The following RAD54B variants were observed in gnomAD, a reference collection of about 807,000 sequenced individuals.
RAD54B encodes RAD54 homolog B.
Under a neutral mutation model 95.8 loss-of-function variants are expected in RAD54B, and 78 were observed. The ratio of observed to expected loss-of-function variants is 0.81; its 90% CI spans 0.68 to 0.98. RAD54B has a LOEUF of 0.98. Ranked by LOEUF, RAD54B falls within the 50% of genes least tolerant of loss-of-function variation. The pLI, the probability that RAD54B is intolerant of heterozygous loss-of-function variation, is 0.00. For synonymous variants in RAD54B, 328 were observed against 354.9 expected (o/e 0.92, Z 0.85); for missense variants, 957 against 1,056.6 (o/e 0.91, Z 1.31).
chr8:94,455,075 A>G (rs1233236565), intron 3 of RAD54B, among the ~76,000 whole-genome samples: 3 of 152,132 alleles, frequency 2.0e-5, no homozygotes, highest in Non-Finnish European at 4.4e-5. Context: ...TACTTCCTTC[A>G]CTACCGAATT....
chr8:94,420,953 C>T (rs1337717906), intron 3 of RAD54B, among the ~76,000 whole-genome samples: 2 of 151,406 alleles, frequency 1.3e-5, no homozygotes, highest in African/African-American at 4.9e-5. Context: ...CCGCTGCACT[C>T]CAGCCTGGGC....
chr8:94,411,602 T>G (rs1329669489), intron 3 of RAD54B, among the ~76,000 whole-genome samples: 1 of 151,930 alleles, frequency 6.6e-6, no homozygotes, highest in African/African-American at 2.4e-5. Context: ...ATTTTAAAAC[T>G]CTAAAAATTA....
intron 14 of RAD54B, among the ~76,000 whole-genome samples, chr8:94,374,577 A>T (rs1463937129): frequency 6.6e-6 from 1 of 152,196 alleles, no homozygotes; most frequent in African/African-American, 2.4e-5. Flanking sequence ...TTTAAGGTAA[A>T]CAGATGGGAA....
At chr8:94,459,960 C>T (rs996645339) in intron 2 of RAD54B, among the ~76,000 whole-genome samples, 1 of 148,082 alleles carries the variant, frequency 6.8e-6, no homozygotes, top group Admixed American at 6.8e-5. Context: ...AGATCGAGAC[C>T]AACCTGGCTA....
intron 3 of RAD54B, among the ~76,000 whole-genome samples, chr8:94,418,045 C>T (rs1273895243): frequency 6.6e-6 from 1 of 152,198 alleles, no homozygotes; most frequent in Admixed American, 6.5e-5. Context: ...TTCTGACCTT[C>T]CTTCCCTAAT....
intron 3 of RAD54B, chr8:94,430,329 T>C (rs1457143144): frequency 2.1e-6 from 2 of 967,216 alleles, no homozygotes; most frequent in Non-Finnish European, 2.5e-6. Context: ...AAAAAAAAAG[T>C]ATTTAATGTA....
intron 3 of RAD54B, among the ~76,000 whole-genome samples, chr8:94,415,396 T>C (rs200489287): frequency 4.0e-5 from 6 of 150,674 alleles, no homozygotes; most frequent in Admixed American, 2.0e-4. Flanking sequence ...AAACGTTAGA[T>C]CTAAAACCAT....
chr8:94,399,874 T>A (rs1420366006), intron 7 of RAD54B, among the ~76,000 whole-genome samples: 3 of 152,174 alleles, frequency 2.0e-5, no homozygotes, highest in Non-Finnish European at 4.4e-5. Flanking sequence ...GAGAGCCCTC[T>A]TCCTGGCTTG....
chr8:94,463,893 C>CAAAAAAAAAAAAAAAAA (rs553168595), intron 2 of RAD54B, among the ~76,000 whole-genome samples: 7 of 90,946 alleles, frequency 7.7e-5, no homozygotes, highest in Admixed American at 1.2e-4. Flanking sequence ...GACCCTATCT[C>CAAAAAAAAAAAAAAAAA]AAAAAAAAAA....
In RAD54B at chr8:94,387,078, A is replaced by G; in HGVS notation, c.1891T>C (p.Tyr631His). 6.2e-7 allele frequency: 1 copy of G among 1,613,574 alleles called. No homozygotes were observed. The highest frequency in any genetic ancestry group is 8.5e-7 in the Non-Finnish European group (1 of 1,179,592). Residue 631 changes from tyrosine to histidine, a missense_variant, in exon 11 of 15, where the codon TAC becomes CAC. Tyr to His is a moderately conservative substitution (Grantham distance 83). Transcript: ENST00000336148. ...TTTTCAGTAAACAGGAGAGGGTTGTAGTCAGCAGGAAACACACTTAGCAAG... is the reference window on the plus strand; with the variant it reads ...TTTTCAGTAAACAGGAGAGGGTTGTGGTCAGCAGGAAACACACTTAGCAAG... ...KGLLSVFPAD[Y>H]NPLLFTEKES...
At chr8:94,436,007 T>C (rs945360254) in intron 3 of RAD54B, among the ~76,000 whole-genome samples, 31 of 152,152 alleles carry the variant, frequency 2.0e-4, no homozygotes, top group Admixed American at 5.9e-4. Flanking sequence ...ATTGATTTTG[T>C]TTATATTTGT....
chr8:94,435,597 T>C (rs1812233652), intron 3 of RAD54B, among the ~76,000 whole-genome samples: 2 of 152,258 alleles, frequency 1.3e-5, no homozygotes, highest in Non-Finnish European at 1.5e-5. Context: ...CTGCCATTTT[T>C]ATATTTTGCC....
intron 3 of RAD54B, among the ~76,000 whole-genome samples, chr8:94,414,174 T>A (rs1346439034): frequency 6.6e-6 from 1 of 152,146 alleles, no homozygotes; most frequent in Non-Finnish European, 1.5e-5. Context: ...CAACATTGAT[T>A]TTATATCCTG....
intron 3 of RAD54B, among the ~76,000 whole-genome samples, chr8:94,432,869 C>T (rs1455150641): frequency 6.6e-6 from 1 of 152,060 alleles, no homozygotes; most frequent in East Asian, 1.9e-4. Flanking sequence ...CCATCCTTAA[C>T]TTTAAAATTG....
intron 6 of RAD54B, among the ~76,000 whole-genome samples, chr8:94,402,918 G>A (rs1563643456): frequency 6.6e-6 from 1 of 152,122 alleles, no homozygotes; most frequent in Non-Finnish European, 1.5e-5. Flanking sequence ...ATATTTAGGA[G>A]GTTAAAATAA....
In RAD54B at chr8:94,436,139, T is replaced by C. The variant is rs376357523; in HGVS notation, c.304+22129A>G. Among the ~76,000 whole-genome samples the C allele has an allele frequency of 2.6e-5, 4 of 152,188 alleles. No homozygotes were observed. In the East Asian group the frequency reaches 7.7e-4, roughly 29 times the overall value. On this transcript the variant is annotated intron_variant, in intron 3 of 14. Transcript: ENST00000336148. ...TAAAATTGAAAATTCCAGTGAAATG[T>C]AATCTTAAATGAGAAAAAAAGTATC...
intron 3 of RAD54B, among the ~76,000 whole-genome samples, chr8:94,425,462 C>T (rs577761126): frequency 2.0e-5 from 3 of 152,168 alleles, no homozygotes; most frequent in African/African-American, 7.2e-5. Flanking sequence ...TGTAAATACT[C>T]TTGCAGATCA....
At chr8:94,392,664 C>A (rs1012838543) in intron 9 of RAD54B, among the ~76,000 whole-genome samples, 1 of 151,560 alleles carries the variant, frequency 6.6e-6, no homozygotes, top group African/African-American at 2.4e-5. Context: ...GTGATGTGAT[C>A]TCAGCTCACT....
chr8:94,430,966 C>G, intron 3 of RAD54B: 1 of 985,298 alleles, frequency 1.0e-6, no homozygotes, highest in Non-Finnish European at 1.2e-6. Context: ...ATTCTTTTGT[C>G]TTTTTTCCAG....
Sources: allele counts gnomAD v4.1 joint callset (sites outside exome capture counted in the v4.1 genomes callset), GRCh38; gene constraint gnomAD v4.1.1; transcripts MANE v1.5; gene names NCBI Gene and HGNC (gene_info 2026-07-23, HGNC 2026-07-21).